The following PXDN variants were observed in gnomAD, a reference collection of about 807,000 sequenced individuals.
PXDN encodes the protein peroxidasin homolog.
In PXDN, 77 loss-of-function variants were observed where a neutral mutation model predicts 140.3. The ratio of observed to expected loss-of-function variants is 0.55; its 90% confidence interval spans 0.46 to 0.66. PXDN has a LOEUF of 0.66. PXDN is among the 30% of genes least tolerant of loss of function. PXDN has a pLI of 0.00. For missense variants in PXDN, 1,838 were observed against 2,039.5 expected, an observed-to-expected ratio of 0.90 and a Z score of 1.90; for synonymous variants, 911 against 857.4, an observed-to-expected ratio of 1.06 and a Z score of -1.09.
Position 1,649,717 on chromosome 2 carries a change from A to G in PXDN, c.2105-42T>C. On this transcript the variant is annotated intron_variant, in intron 16 of 22. Coordinates refer to ENST00000252804, the MANE Select transcript of PXDN (RefSeq NM_012293.3). This position sits in a 1 kb window ranked among gnomAD's most constrained non-coding sequence, Gnocchi z 7.1. ...AGCAAGACGCACTCAATTCCCCTGG[A>G]GGATGTGTGAGGGCCCGGTACCCCT... is the stretch of plus-strand genomic sequence containing the variant. 1 of 1,601,948 alleles carries G rather than the reference A, an allele frequency of 6.2e-7. No homozygotes were observed. The highest frequency in any genetic ancestry group is 8.5e-7 in the Non-Finnish European group (1 of 1,170,020).
intron 1 of PXDN, among the ~76,000 whole-genome samples, chr2:1,713,664 C>G (rs1684833152): frequency 1.3e-5 from 2 of 152,206 alleles, no homozygotes; most frequent in South Asian, 2.1e-4. Flanking sequence ...CTCGGTCCCC[C>G]CGAATGCTCG....
chr2:1,636,746 C>T (rs1682570833), intron 21 of PXDN: 1 of 150,440 alleles, frequency 6.6e-6, no homozygotes, highest in African/African-American at 2.4e-5. Flanking sequence ...GGCCAGAGAG[C>T]ACTTAGGGGT....
intron 19 of PXDN, among the ~76,000 whole-genome samples, chr2:1,640,211 CCCT>C: frequency 6.6e-6 from 1 of 152,226 alleles, no homozygotes. Context: ...CCCACCTGGG[CCCT>C]GTGGACACAC....
intron 1 of PXDN, among the ~76,000 whole-genome samples, chr2:1,698,389 C>T (rs1042937550): frequency 6.6e-6 from 1 of 152,130 alleles, no homozygotes; most frequent in African/African-American, 2.4e-5. Context: ...GAAATGATAA[C>T]TGTAGGGCAA....
intron 19 of PXDN, among the ~76,000 whole-genome samples, chr2:1,640,354 G>A (rs1682696056): frequency 6.6e-6 from 1 of 152,234 alleles, no homozygotes; most frequent in African/African-American, 2.4e-5. Context: ...GGAAGCCACT[G>A]GAGTAGAAAT....
At chr2:1,643,655 C>T in intron 18 of PXDN, 79 bp from the exon 19 acceptor site, 2 of 1,481,262 alleles carry the variant, frequency 1.4e-6, no homozygotes, top group Non-Finnish European at 1.9e-6. Context: ...TAAAATCTCC[C>T]CTGCTTAGTT....
Position 1,662,130 on chromosome 2 carries a change from T to A in PXDN, c.1622A>T (p.Asn541Ile), listed in dbSNP as rs771847317. ...PSDTTVEVGA[N>I]VQLPCSSQGE... ...CTGGGAGCTGCACGGGAGCTGCACA[T>A]TGGCGCCCACCTCCACTGTTGTGTC... Residue 541 changes from asparagine to isoleucine, a missense_variant, in exon 13 of 23, where the codon AAT (asparagine) becomes ATT (isoleucine). Transcript: ENST00000252804. 4 of 1,598,080 alleles carry A rather than the reference T, an allele frequency of 2.5e-6. No individual in the cohort carries two copies. Among genetic ancestry groups the A allele is most frequent in the Non-Finnish European group, 3.4e-6 (4 of 1,172,696 alleles).
chr2:1,660,882 A>G lies in PXDN; in HGVS notation c.1836T>C (p.Asn612=), dbSNP rs17841813. 0.72 allele frequency: 1,158,851 copies of G among 1,608,282 alleles called. 420,966 individuals carry two copies. Among genetic ancestry groups the G allele is most frequent in the East Asian group, 0.98 (43,875 of 44,732 alleles). The change falls in exon 14 of 23, where the codon AAT becomes AAC. Residue 612 remains asparagine, a splice_region_variant and synonymous_variant. Transcript: ENST00000252804. This position sits in a 1 kb window ranked among gnomAD's most constrained non-coding sequence, Gnocchi z 4.6. ...AGATGTGGGCATGTGGCATCTTACCATTCACACTGAGCACCATGCTCACCG... is the reference window on the plus strand; with the variant it reads ...AGATGTGGGCATGTGGCATCTTACCGTTCACACTGAGCACCATGCTCACCG... ...SASVSMVLSV[N]VPDVSRNGDP... is the part of the protein sequence containing the mutation.
At chr2:1,720,882 C>G (rs1013678438) in intron 1 of PXDN, among the ~76,000 whole-genome samples, 5 of 152,042 alleles carry the variant, frequency 3.3e-5, no homozygotes, top group African/African-American at 1.2e-4. Flanking sequence ...TGACCCAGGA[C>G]AGCAGTCCTC....
At chr2:1,715,529 G>A (rs773314544) in intron 1 of PXDN, among the ~76,000 whole-genome samples, 1 of 152,206 alleles carries the variant, frequency 6.6e-6, no homozygotes, top group Non-Finnish European at 1.5e-5. Context: ...ATAAGGGGCT[G>A]TATCTTCTAA....
chr2:1,642,245 C>A (rs928952110), intron 19 of PXDN, among the ~76,000 whole-genome samples: 2 of 152,152 alleles, frequency 1.3e-5, no homozygotes, highest in Admixed American at 6.5e-5. Flanking sequence ...ACTCCACACA[C>A]ACACCCCACA....
chr2:1,700,932 G>A (rs182350501), intron 1 of PXDN, among the ~76,000 whole-genome samples: 18 of 152,156 alleles, frequency 1.2e-4, no homozygotes, highest in African/African-American at 3.9e-4. Flanking sequence ...GCTTCAGAGA[G>A]GCAAATATGC....
intron 1 of PXDN, among the ~76,000 whole-genome samples, chr2:1,739,377 G>A (rs1489150098): frequency 6.6e-6 from 1 of 152,090 alleles, no homozygotes; most frequent in Non-Finnish European, 1.5e-5. Flanking sequence ...GTCGACCCTG[G>A]ATCAAGCCAC....
chr2:1,658,511 TG>T lies in PXDN; in HGVS notation c.1837+2369del, dbSNP rs543225492. Among the ~76,000 whole-genome samples, 6 of 151,788 alleles carry T rather than the reference TG, an allele frequency of 4.0e-5. No homozygotes were observed. The South Asian group carries it at 1.2e-3, about 32-fold the overall frequency. On this transcript the variant is annotated intron_variant, in intron 14 of 22. Transcript: ENST00000252804. The stretch of plus-strand genomic sequence containing the variant: ...AGGGACCAGCCCCGCAGACCCCAGC[TG>T]TGGGCCCGGGTGCAGGCACTCCTTC...
rs528634922 is a variant in PXDN at position 1,654,595 on chromosome 2, C to A, written c.1838-87G>T. ...TGTCTAGACACTACATCATTAGCCA[C>A]AAGGCATACTTTTCTCCAAATGTTA... On this transcript the variant is annotated intron_variant, in intron 14 of 22. Transcript: ENST00000252804. 17 of 753,894 alleles carry A rather than the reference C, an allele frequency of 2.3e-5. No homozygotes were observed. The South Asian group carries it at 3.8e-4, about 17-fold the overall frequency. The allele number at this position is 753,894 out of a possible 1,614,324, so 46.7% of individuals were successfully genotyped here.
intron 9 of PXDN, among the ~76,000 whole-genome samples, chr2:1,667,799 G>C (rs544595856): frequency 4.7e-5 from 7 of 150,390 alleles, no homozygotes; most frequent in Non-Finnish European, 5.9e-5. Context: ...AAGGAAATCA[G>C]AGAGGATACA....
intron 1 of PXDN, among the ~76,000 whole-genome samples, chr2:1,697,113 G>A (rs1684316066): frequency 6.6e-6 from 1 of 152,146 alleles, no homozygotes; most frequent in Non-Finnish European, 1.5e-5. Flanking sequence ...AGAAACTCTG[G>A]GAGTGGTTCC....
upstream of PXDN, chr2:1,744,612 C>T (rs756868303): frequency 1.6e-6 from 1 of 626,378 alleles, no homozygotes; most frequent in Non-Finnish European, 2.2e-6. Context: ...CTCTGAATCC[C>T]CGAGGGCGGG....
At chr2:1,706,539 C>A (rs1684614123) in intron 1 of PXDN, among the ~76,000 whole-genome samples, 1 of 149,950 alleles carries the variant, frequency 6.7e-6, no homozygotes, top group African/African-American at 2.5e-5. Flanking sequence ...CACCAATCAG[C>A]TCTAAACATC....
Sources: allele counts gnomAD v4.1 joint callset (sites outside exome capture counted in the v4.1 genomes callset), GRCh38; gene constraint gnomAD v4.1.1; non-coding constraint Gnocchi (gnomAD v3.1); transcripts MANE v1.5; gene names NCBI Gene and HGNC (gene_info 2026-07-23, HGNC 2026-07-21).